CHDH: variants seen among roughly 807,000 people sequenced by gnomAD.
The protein encoded by CHDH is choline dehydrogenase, mitochondrial.
A neutral mutation model predicts 56.9 loss-of-function variants in CHDH; 43 were observed. That is an observed-to-expected ratio of 0.76 (90% CI 0.59 to 0.97). The LOEUF is 0.97. Among genes scored for constraint, CHDH ranks in the 50% least tolerant of loss-of-function variants. CHDH has a pLI of 0.00. For missense variants in CHDH, 816 were observed against 821.1 expected (o/e 0.99, Z 0.08); for synonymous variants, 364 against 348.5 (o/e 1.04, Z -0.50).
At chr3:53,825,701 C>T (rs575366094) in intron 2 of CHDH, among the ~76,000 whole-genome samples, 1 of 152,164 alleles carries the variant, frequency 6.6e-6, no homozygotes, top group East Asian at 1.9e-4. Flanking sequence ...AAACGTAGTG[C>T]AAGACAAAAC....
At chr3:53,822,403 G>C in intron 4 of CHDH, 88 bp downstream of exon 4, 1 of 1,280,012 alleles carries the variant, frequency 7.8e-7, no homozygotes, top group Non-Finnish European at 1.1e-6. Flanking sequence ...GTCTGGGGGT[G>C]AGGGCGTGAC....
intron 1 of CHDH, among the ~76,000 whole-genome samples, chr3:53,844,076 C>T (rs1477709648): frequency 1.3e-5 from 2 of 152,144 alleles, no homozygotes; most frequent in Non-Finnish European, 2.9e-5. Flanking sequence ...CTACAGGGCC[C>T]TTCACACCCT....
chr3:53,837,273 A>C (rs1698524976), intron 2 of CHDH, among the ~76,000 whole-genome samples: 1 of 152,248 alleles, frequency 6.6e-6, no homozygotes, highest in Non-Finnish European at 1.5e-5. Context: ...ATATTGATAC[A>C]TAATTAACAA....
At position 53,823,968 on chromosome 3, in the gene CHDH, A is replaced by T; in HGVS notation, c.41T>A (p.Leu14Gln). ...CTGCTGCCCCAGGGCTCCCCGTGCC[A>T]GGGCTCCAGGCCGGCCCAGGCCTCG... ...LLRGLGRPGA[L>Q]ARGALGQQQS... is the part of the protein sequence containing the mutation. Residue 14 changes from leucine to glutamine, a missense_variant, in exon 3 of 9, where the codon CTG (leucine) becomes CAG (glutamine). Physicochemically the swap from Leu to Gln is moderately radical, Grantham distance 113. Coordinates refer to ENST00000315251, the MANE Select transcript of CHDH (RefSeq NM_018397.5). The T allele has an allele frequency of 6.6e-7, 1 of 1,516,952 alleles. No homozygotes were observed. Among genetic ancestry groups the T allele is most frequent in the Non-Finnish European group, 8.8e-7 (1 of 1,140,718 alleles). The allele number at this position is 1,516,952 out of a possible 1,614,324, so 94.0% of individuals were successfully genotyped here.
chr3:53,820,253 A>G (rs1293619607), intron 6 of CHDH, among the ~76,000 whole-genome samples: 1 of 152,188 alleles, frequency 6.6e-6, no homozygotes, highest in East Asian at 1.9e-4. Context: ...CCCTGGGCCA[A>G]GCTCCTTGGC....
chr3:53,830,190 A>ATT lies in CHDH; in HGVS notation c.-59-6125_-59-6124dup, dbSNP rs56938471. On this transcript the variant is annotated intron_variant, in intron 2 of 8. Coordinates refer to ENST00000315251, the MANE Select transcript of CHDH (RefSeq NM_018397.5). ...CGATGCAATGCCAATCCCAGCAGGC[A>ATT]TTTTTTTTTTTGGTGGAAATTGAAA... Among the ~76,000 whole-genome samples the ATT allele has an allele frequency of 3.5e-3, 513 of 146,790 alleles. 7 individuals carry two copies. Among genetic ancestry groups the ATT allele is most frequent in the African/African-American group, 0.012 (491 of 40,380 alleles).
chr3:53,818,032 G>C lies in CHDH; in HGVS notation c.1530C>G (p.Tyr510Ter). 6.2e-7 allele frequency: 1 copy of C among 1,614,234 alleles called. No individual in the cohort carries two copies. Among genetic ancestry groups the C allele is most frequent in the Non-Finnish European group, 8.5e-7 (1 of 1,180,050 alleles). The change falls in exon 9 of 9, where the codon TAC becomes TAG. Residue 510 changes from tyrosine (Y) to a stop codon, truncating the protein, a stop_gained. Coordinates refer to ENST00000315251, the MANE Select transcript of CHDH (RefSeq NM_018397.5). LOFTEE classifies it high-confidence loss of function. ...CCATCTTACAGGTGCACGAGGGGTG[G>C]TAGGCGCTGTCGGCTTTTGCCCGCA... ...AFVRAKADSAYHPSCTCKMGQ... is the reference protein window; with the variant it reads ...AFVRAKADSA
chr3:53,841,873 G>A (rs890665158), intron 1 of CHDH, among the ~76,000 whole-genome samples: 20 of 152,284 alleles, frequency 1.3e-4, no homozygotes, highest in Admixed American at 9.2e-4. Flanking sequence ...CAGGCTGGGC[G>A]CAGTGGCTCA....
chr3:53,838,816 G>A (rs905993278), intron 2 of CHDH, among the ~76,000 whole-genome samples: 9 of 152,262 alleles, frequency 5.9e-5, no homozygotes, highest in Non-Finnish European at 1.0e-4. Context: ...TGCACTATCC[G>A]GGGAGGAAAA....
At chr3:53,818,295 G>A in intron 8 of CHDH, 100 bp from the exon 9 acceptor site, 3 of 1,121,992 alleles carry the variant, frequency 2.7e-6, no homozygotes, top group Non-Finnish European at 3.7e-6. Context: ...TGTCTGAGGG[G>A]ATGGTGTTTG....
intron 2 of CHDH, among the ~76,000 whole-genome samples, chr3:53,831,146 C>T (rs1698319963): frequency 6.6e-6 from 1 of 152,182 alleles, no homozygotes; most frequent in Non-Finnish European, 1.5e-5. Flanking sequence ...TCCCTGTGGG[C>T]CTGTGGTGGT....
chr3:53,833,778 G>A (rs1056927354), intron 2 of CHDH, among the ~76,000 whole-genome samples: 3 of 152,098 alleles, frequency 2.0e-5, no homozygotes, highest in African/African-American at 7.2e-5. Flanking sequence ...AGGAAGATGT[G>A]GCTTTGCCAA....
chr3:53,841,752 C>T (rs982091620), intron 1 of CHDH, among the ~76,000 whole-genome samples: 9 of 152,214 alleles, frequency 5.9e-5, no homozygotes, highest in Non-Finnish European at 1.0e-4. Context: ...AGACATCAAC[C>T]TGCACCCATG....
intron 2 of CHDH, among the ~76,000 whole-genome samples, chr3:53,833,392 G>T (rs540924491): frequency 7.2e-5 from 11 of 152,310 alleles, no homozygotes; most frequent in African/African-American, 2.6e-4. Context: ...AACTCCTTGA[G>T]GACAGGGACT....
intron 8 of CHDH, 79 bp downstream of exon 8, chr3:53,818,859 G>C: frequency 1.1e-6 from 1 of 902,642 alleles, no homozygotes; most frequent in Non-Finnish European, 1.9e-6. Context: ...TAGTCCAAGG[G>C]TATGATTCAG....
In CHDH at chr3:53,821,127, C is replaced by T. The variant is rs148762495; in HGVS notation, c.986-519G>A. The stretch of plus-strand genomic sequence containing the variant: ...CCCCTCATGATGAAGCCTAAAGGCA[C>T]AAAGGCCTAGCCCTCCCGGAGTGGG... On this transcript the variant is annotated intron_variant, in intron 5 of 8. Coordinates refer to ENST00000315251, the MANE Select transcript of CHDH (RefSeq NM_018397.5). Among the ~76,000 whole-genome samples, 1,015 of 152,364 alleles carry T rather than the reference C, an allele frequency of 6.7e-3. 12 individuals carry two copies. Among genetic ancestry groups the T allele is most frequent in the African/African-American group, 0.023 (952 of 41,584 alleles).
intron 2 of CHDH, among the ~76,000 whole-genome samples, chr3:53,824,774 T>C (rs1400915575): frequency 6.6e-6 from 1 of 152,020 alleles, no homozygotes; most frequent in Non-Finnish European, 1.5e-5. Context: ...AATCCCAGCA[T>C]AGTGCACAGA....
At chr3:53,839,343 G>A (rs972855460) in intron 2 of CHDH, among the ~76,000 whole-genome samples, 1 of 152,174 alleles carries the variant, frequency 6.6e-6, no homozygotes, top group Non-Finnish European at 1.5e-5. Flanking sequence ...CCAAGTGCAG[G>A]GAAACCCCAC....
intron 3 of CHDH, 50 bp downstream of exon 3, chr3:53,823,256 G>A: frequency 1.4e-6 from 2 of 1,427,864 alleles, no homozygotes; most frequent in Non-Finnish European, 1.8e-6. Flanking sequence ...GATGGGTGGG[G>A]GCTGGGGTAG....
Sources: gnomAD v4.1 joint callset for allele counts (sites outside exome capture counted in the v4.1 genomes callset) on GRCh38, gnomAD v4.1.1 for gene constraint, MANE v1.5 for transcripts, NCBI Gene and HGNC (gene_info 2026-07-23, HGNC 2026-07-21) for gene names.